The following NR3C1 variants were observed in gnomAD, a reference collection of about 807,000 sequenced individuals.
NR3C1 encodes glucocorticoid receptor.
In NR3C1, 14 loss-of-function variants were observed where a neutral mutation model predicts 74.0. The observed-to-expected ratio is 0.19, with a 90% CI of 0.12 to 0.30. The LOEUF (loss-of-function observed/expected upper bound fraction) is 0.30, where lower values mean the gene tolerates loss of function less well. Ranked by LOEUF, NR3C1 falls within the 10% of genes least tolerant of loss-of-function variation. NR3C1 has a pLI of 1.00. For missense variants in NR3C1, 695 were observed against 909.8 expected, an observed-to-expected ratio of 0.76 and a Z score of 3.04; for synonymous variants, 308 against 332.5, an observed-to-expected ratio of 0.93 and a Z score of 0.80.
chr5:143,359,153 C>T (rs1474437480), intron 2 of NR3C1, among the ~76,000 whole-genome samples: 1 of 152,142 alleles, frequency 6.6e-6, no homozygotes, highest in Non-Finnish European at 1.5e-5. Context: ...ACCCTAAAAC[C>T]TCACTGTGTC....
intron 2 of NR3C1, among the ~76,000 whole-genome samples, chr5:143,390,713 A>G (rs1838077946): frequency 6.6e-6 from 1 of 152,196 alleles, no homozygotes; most frequent in East Asian, 1.9e-4. Context: ...CACTTATTCC[A>G]GGCATATTCA....
chr5:143,434,832 CT>C, exon 1 of NR3C1: 3 of 985,376 alleles, frequency 3.0e-6, no homozygotes, highest in Non-Finnish European at 3.6e-6. Context: ...ACGCAGATTC[CT>C]TTTTTCAGAA....
At position 143,329,217 on chromosome 5, in the gene NR3C1, G is replaced by A. The variant is rs572760980; in HGVS notation, c.1185-15049C>T. The stretch of plus-strand genomic sequence containing the variant: ...AGGAAAGTCTTACATGGTGGCAGGA[G>A]AGAGAGAAAGCACAGGGGAAACTGC... On this transcript the variant is annotated intron_variant, in intron 2 of 8. Transcript: ENST00000394464. 3.3e-5 allele frequency among the ~76,000 whole-genome samples: 5 copies of A among 152,330 alleles called. No homozygotes were observed. The East Asian group carries it at 7.7e-4, about 23-fold the overall frequency.
At chr5:143,370,736 A>C (rs6861962) in intron 2 of NR3C1, among the ~76,000 whole-genome samples, 144,196 of 152,242 alleles carry the variant, frequency 0.95, 68,676 homozygotes, top group Non-Finnish European at 1. Flanking sequence ...ATGATAGATG[A>C]AGAAACACAA....
At chr5:143,402,868 G>A (rs569499637) in intron 1 of NR3C1, 1,583 of 975,550 alleles carry the variant, frequency 1.6e-3, no homozygotes, top group Non-Finnish European at 1.9e-3. Flanking sequence ...CCCCTTGGAG[G>A]GAAAGGGGAC....
chr5:143,350,452 G>A (rs1341887875), intron 2 of NR3C1, among the ~76,000 whole-genome samples: 2 of 152,154 alleles, frequency 1.3e-5, no homozygotes, highest in African/African-American at 4.8e-5. Flanking sequence ...CTGCTTTGGG[G>A]TTGATAGCAC....
chr5:143,431,606 A>G (rs947779864), intron 1 of NR3C1, among the ~76,000 whole-genome samples: 2 of 152,158 alleles, frequency 1.3e-5, no homozygotes, highest in Non-Finnish European at 2.9e-5. Context: ...TGGCACATGC[A>G]TACCTGTGTA....
intron 2 of NR3C1, among the ~76,000 whole-genome samples, chr5:143,336,554 C>CA (rs1480301584): frequency 6.6e-6 from 1 of 152,146 alleles, no homozygotes. Context: ...GGTTCAAAAT[C>CA]AGGAAGACTG....
chr5:143,295,354 T>C (rs1283850461), intron 7 of NR3C1, 106 bp downstream of exon 7: 4 of 1,484,624 alleles, frequency 2.7e-6, no homozygotes, highest in African/African-American at 1.4e-5. Flanking sequence ...TAGGAAATAA[T>C]AGTAGACTTG....
intron 2 of NR3C1, among the ~76,000 whole-genome samples, chr5:143,323,507 AT>A: frequency 6.6e-6 from 1 of 152,268 alleles, no homozygotes; most frequent in African/African-American, 2.4e-5. Context: ...ACACATGGGA[AT>A]TCTGGGACAT....
intron 2 of NR3C1, among the ~76,000 whole-genome samples, chr5:143,332,393 G>A (rs145566912): frequency 0.02 from 2,157 of 109,834 alleles, 25 homozygotes; most frequent in Middle Eastern, 0.077. Flanking sequence ...GATTAAGAGT[G>A]TAACTGGGGC....
At chr5:143,284,293 C>T (rs894218809) in intron 7 of NR3C1, among the ~76,000 whole-genome samples, 2 of 152,070 alleles carry the variant, frequency 1.3e-5, no homozygotes, top group Non-Finnish European at 2.9e-5. Context: ...ATATAACCTC[C>T]TTGAGCATCT....
rs546348495 is a variant in NR3C1, at chr5:143,365,427, T to C, written c.1184+34229A>G. Among the ~76,000 whole-genome samples, 21 of 152,338 alleles carry C rather than the reference T, an allele frequency of 1.4e-4. No homozygotes were observed. In the South Asian group the frequency reaches 3.1e-3, roughly 23 times the overall value. Reference sequence around the variant, plus strand: ...AGACTTAAGATAAAAATTGTTCTTATAGGGCACTGTATAATGATAAAAGAA... The same window carrying C: ...AGACTTAAGATAAAAATTGTTCTTACAGGGCACTGTATAATGATAAAAGAA... On this transcript the variant is annotated intron_variant, in intron 2 of 8. Coordinates refer to ENST00000394464, the MANE Select transcript of NR3C1 (RefSeq NM_000176.3).
chr5:143,403,880 A>T, upstream of NR3C1: 2 of 977,718 alleles, frequency 2.0e-6, no homozygotes, highest in Middle Eastern at 5.3e-4. Context: ...CGGCGCCTGC[A>T]CGCCCGCGTC....
At chr5:143,326,112 G>T (rs1370897193) in intron 2 of NR3C1, among the ~76,000 whole-genome samples, 1 of 152,084 alleles carries the variant, frequency 6.6e-6, no homozygotes, top group East Asian at 1.9e-4. Flanking sequence ...CAAAAATTGG[G>T]CCTTTTATTT....
chr5:143,429,581 C>T (rs1751707789), intron 1 of NR3C1, among the ~76,000 whole-genome samples: 1 of 152,150 alleles, frequency 6.6e-6, no homozygotes, highest in Non-Finnish European at 1.5e-5. Context: ...CAGTCATGCA[C>T]CTAGAACCTG....
In NR3C1 at chr5:143,403,448, A is replaced by G. The variant is rs10482611; in HGVS notation, c.-251T>C. The G allele has an allele frequency of 1, 981,215 of 985,312 alleles. 488,693 individuals carry two copies. Among genetic ancestry groups the G allele is most frequent in the East Asian group, 1 (8,746 of 8,746 alleles). 61.0% of individuals were successfully genotyped at this position (985,312 alleles called of 1,614,324 possible). ...GCCCCGCGCCGGGCTCCGCGGGTCG[A>G]GGTTCCGGGCGCGCGTGCCCCGTCC... On this transcript the variant is annotated 5_prime_UTR_variant, in exon 1 of 9. Coordinates refer to ENST00000394464, the MANE Select transcript of NR3C1 (RefSeq NM_000176.3).
intron 2 of NR3C1, among the ~76,000 whole-genome samples, chr5:143,380,699 G>A (rs1470935012): frequency 6.6e-6 from 1 of 152,114 alleles, no homozygotes; most frequent in Non-Finnish European, 1.5e-5. Context: ...GGAAGCATAT[G>A]CATCACATAT....
intron 2 of NR3C1, among the ~76,000 whole-genome samples, chr5:143,380,082 T>C (rs981343066): frequency 1.3e-5 from 2 of 152,102 alleles, no homozygotes; most frequent in African/African-American, 4.8e-5. Flanking sequence ...ATAGAGCAAA[T>C]ACTAACAGAT....
Sources: gnomAD v4.1 joint callset for allele counts (sites outside exome capture counted in the v4.1 genomes callset) on GRCh38, gnomAD v4.1.1 for gene constraint, MANE v1.5 for transcripts, NCBI Gene and HGNC (gene_info 2026-07-23, HGNC 2026-07-21) for gene names.